Variants in GRIK1 observed in about 807,000 individuals in gnomAD.
The protein encoded by GRIK1 is glutamate ionotropic receptor kainate type subunit 1.
In GRIK1, 69 loss-of-function variants were observed where a neutral mutation model predicts 105.7. That is an observed-to-expected ratio of 0.65 (90% CI 0.54 to 0.80). The LOEUF (loss-of-function observed/expected upper bound fraction) is 0.80. GRIK1 is among the 30% of genes least tolerant of loss of function. The pLI is 0.00. For synonymous variants in GRIK1, 438 were observed against 431.3 expected, an observed-to-expected ratio of 1.02 and a Z score of -0.19; for missense variants, 1,109 against 1,167.3, an observed-to-expected ratio of 0.95 and a Z score of 0.73.
At chr21:29,658,654 T>C (rs541105104) in intron 4 of GRIK1, among the ~76,000 whole-genome samples, 1 of 152,358 alleles carries the variant, frequency 6.6e-6, no homozygotes, top group African/African-American at 2.4e-5. Context: ...CCCAGCCCTT[T>C]TGTTAACATT....
intron 16 of GRIK1, among the ~76,000 whole-genome samples, chr21:29,538,623 T>C (rs940753783): frequency 6.6e-6 from 1 of 152,128 alleles, no homozygotes; most frequent in African/African-American, 2.4e-5. Flanking sequence ...GTAAAGGTTA[T>C]AGAAGTGCAA....
rs574637872 is a variant in GRIK1, at chr21:29,831,531, G to A, written c.118+107852C>T. 7.9e-5 allele frequency among the ~76,000 whole-genome samples: 12 copies of A among 152,254 alleles called. No individual in the cohort carries two copies. The East Asian group carries it at 1.9e-3, about 24-fold the overall frequency. ...GAAGCCTCAGGAAACTTTCAATCAT[G>A]GCGGAAGGCAAAGGGGAAGCAGGAA... On this transcript the variant is annotated intron_variant, in intron 1 of 17. Coordinates refer to ENST00000327783, the MANE Select transcript of GRIK1 (RefSeq NM_001330994.2).
intron 1 of GRIK1, among the ~76,000 whole-genome samples, chr21:29,845,189 T>C (rs941696048): frequency 2.0e-5 from 3 of 152,182 alleles, no homozygotes; most frequent in African/African-American, 4.8e-5. Context: ...CACTTTTTTT[T>C]TCTTTATATT....
intron 1 of GRIK1, among the ~76,000 whole-genome samples, chr21:29,885,989 G>T (rs1297267326): frequency 1.3e-5 from 2 of 152,034 alleles, no homozygotes; most frequent in African/African-American, 4.8e-5. Context: ...ATCCCTCATG[G>T]CCTATTTGAT....
chr21:29,575,222 C>T, intron 14 of GRIK1, among the ~76,000 whole-genome samples: 1 of 151,856 alleles, frequency 6.6e-6, no homozygotes, highest in East Asian at 1.9e-4. Context: ...GAAATGTGTA[C>T]TTTTTTTTCC....
intron 1 of GRIK1, among the ~76,000 whole-genome samples, chr21:29,850,194 C>T (rs2832451): frequency 0.16 from 24,355 of 152,098 alleles, 2,328 homozygotes; most frequent in East Asian, 0.38. Context: ...TTTGTTATCT[C>T]TTTTTCATAA....
chr21:29,609,722 T>A (rs2061691843), intron 7 of GRIK1, among the ~76,000 whole-genome samples: 1 of 152,138 alleles, frequency 6.6e-6, no homozygotes, highest in Non-Finnish European at 1.5e-5. Flanking sequence ...TACCATCAGC[T>A]CCCCTGGTTC....
chr21:29,913,320 ACT>A (rs1275356607), intron 1 of GRIK1, among the ~76,000 whole-genome samples: 1 of 152,062 alleles, frequency 6.6e-6, no homozygotes, highest in African/African-American at 2.4e-5. Flanking sequence ...AAAATGGATA[ACT>A]CTGTAAAGCA....
chr21:29,576,897 G>T (rs371578841), intron 14 of GRIK1, 67 bp downstream of exon 14: 2,329 of 687,474 alleles, frequency 3.4e-3, no homozygotes, highest in South Asian at 0.015. Flanking sequence ...TTTTTTTTTC[G>T]ACAGATTCTT....
At chr21:29,839,852 G>T (rs546593232) in intron 1 of GRIK1, among the ~76,000 whole-genome samples, 1 of 152,136 alleles carries the variant, frequency 6.6e-6, no homozygotes, top group African/African-American at 2.4e-5. Flanking sequence ...CACTAATCTC[G>T]CTGGTGGTGG....
chr21:29,771,626 T>A (rs1262039592), intron 1 of GRIK1, among the ~76,000 whole-genome samples: 1 of 152,186 alleles, frequency 6.6e-6, no homozygotes, highest in Admixed American at 6.5e-5. Flanking sequence ...GTTCATACGC[T>A]TGATGTCACG....
At chr21:29,569,124 G>C (rs58052869) in intron 14 of GRIK1, among the ~76,000 whole-genome samples, 15,386 of 152,192 alleles carry the variant, frequency 0.1, 898 homozygotes, top group African/African-American at 0.15. Context: ...CTGTCCTTTA[G>C]CAGAAGGCAG....
chr21:29,885,332 T>G (rs1164217486), intron 1 of GRIK1, among the ~76,000 whole-genome samples: 1 of 152,068 alleles, frequency 6.6e-6, no homozygotes, highest in Non-Finnish European at 1.5e-5. Flanking sequence ...TATTAAAAGT[T>G]CTCTTCTCAT....
At chr21:29,938,884 G>A (rs368726574) in intron 1 of GRIK1, among the ~76,000 whole-genome samples, 2 of 152,050 alleles carry the variant, frequency 1.3e-5, no homozygotes, top group African/African-American at 4.8e-5. Flanking sequence ...GAGGCTCTGG[G>A]GTAACAGGCT....
chr21:29,807,231 G>A (rs2066887597), intron 1 of GRIK1, among the ~76,000 whole-genome samples: 1 of 152,132 alleles, frequency 6.6e-6, no homozygotes, highest in African/African-American at 2.4e-5. Flanking sequence ...AGCCAATGAT[G>A]TATGAAGGAT....
At chr21:29,736,935 T>A (rs2064806311) in intron 1 of GRIK1, among the ~76,000 whole-genome samples, 1 of 152,136 alleles carries the variant, frequency 6.6e-6, no homozygotes, top group Admixed American at 6.5e-5. Context: ...CACCTCGGCC[T>A]CCCAGAGTGC....
chr21:29,667,348 G>T (rs1357709448), intron 4 of GRIK1, among the ~76,000 whole-genome samples: 1 of 152,120 alleles, frequency 6.6e-6, no homozygotes, highest in African/African-American at 2.4e-5. Flanking sequence ...AACTAGCATT[G>T]TCATTGCACT....
chr21:29,573,675 C>A (rs1031621381), intron 14 of GRIK1, among the ~76,000 whole-genome samples: 1 of 151,946 alleles, frequency 6.6e-6, no homozygotes. Context: ...CATGGTGAAA[C>A]CCCAACTCTA....
intron 1 of GRIK1, among the ~76,000 whole-genome samples, chr21:29,878,790 A>G (rs935295983): frequency 5.9e-5 from 9 of 152,126 alleles, no homozygotes; most frequent in Admixed American, 4.6e-4. Flanking sequence ...CCAGTCACCA[A>G]ATCTGCCAGC....
Sources: allele counts gnomAD v4.1 joint callset (sites outside exome capture counted in the v4.1 genomes callset), GRCh38; gene constraint gnomAD v4.1.1; transcripts MANE v1.5; gene names NCBI Gene and HGNC (gene_info 2026-07-23, HGNC 2026-07-21).